Variants in CCDC63 observed in about 807,000 individuals in gnomAD.
CCDC63 encodes the protein coiled-coil domain containing 63, also known as coiled-coil domain-containing protein 63.
A neutral mutation model predicts 63.6 loss-of-function variants in CCDC63; 54 were observed. The observed-to-expected ratio is 0.85, with a 90% CI of 0.68 to 1.07. The LOEUF (loss-of-function observed/expected upper bound fraction) is 1.07. Among genes scored for constraint, CCDC63 ranks in the 50% least tolerant of loss-of-function variants. The pLI, the probability that CCDC63 is intolerant of heterozygous loss-of-function variation, is 0.00. For missense variants in CCDC63, 637 were observed against 689.6 expected, an observed-to-expected ratio of 0.92 and a Z score of 0.86; for synonymous variants, 253 against 266.1, an observed-to-expected ratio of 0.95 and a Z score of 0.48.
intron 4 of CCDC63, among the ~76,000 whole-genome samples, chr12:110,870,829 C>G (rs527256582): frequency 1.3e-5 from 2 of 152,314 alleles, no homozygotes; most frequent in African/African-American, 4.8e-5. Flanking sequence ...ACTCAAAACA[C>G]AACCCACCTG....
rs968359611 is a variant in CCDC63 at position 110,907,092 on chromosome 12, C to T, written c.1547-239C>T. Among the ~76,000 whole-genome samples the T allele has an allele frequency of 6.6e-6, 1 of 152,246 alleles. No homozygotes were observed. Among genetic ancestry groups the T allele is most frequent in the Non-Finnish European group, 1.5e-5 (1 of 68,036 alleles). ...GCAGTGCACATCCTGAACAACTGCA[C>T]ATGGTGGCCCTAACTCCTTAACATT... On this transcript the variant is annotated intron_variant, in intron 11 of 11. Transcript: ENST00000308208. The surrounding 1 kb of genome is among the most constrained non-coding windows in gnomAD (Gnocchi z 4.4).
At chr12:110,874,111 C>G (rs886578695) in intron 5 of CCDC63, 150 bp downstream of exon 5, 1 of 1,089,294 alleles carries the variant, frequency 9.2e-7, no homozygotes, top group Non-Finnish European at 1.3e-6. Context: ...GGCCAGGAAG[C>G]CTTTAGGATT....
At position 110,899,079 on chromosome 12, in the gene CCDC63, A is replaced by G; in HGVS notation, c.1296A>G (p.Leu432=). 1 of 1,613,686 alleles carries G rather than the reference A, an allele frequency of 6.2e-7. No individual in the cohort carries two copies. Among genetic ancestry groups the G allele is most frequent in the Non-Finnish European group, 8.5e-7 (1 of 1,179,804 alleles). Residue 432 remains leucine, a synonymous_variant, in exon 10 of 12, where the codon TTA becomes TTG. Transcript: ENST00000308208. ...ACGCCACCAAGATCCTGGTGCAGTTAGGGGAGACGGGGAAAGTCACTGACA... is the reference window on the plus strand; with the variant it reads ...ACGCCACCAAGATCCTGGTGCAGTTGGGGGAGACGGGGAAAGTCACTGACA... ...NCDATKILVQ[L]GETGKVTDIN...
At chr12:110,874,590 T>A (rs2071107873) in intron 5 of CCDC63, among the ~76,000 whole-genome samples, 1 of 152,212 alleles carries the variant, frequency 6.6e-6, no homozygotes, top group Admixed American at 6.5e-5. Flanking sequence ...TCTGTCCACC[T>A]CTCCTCTGAG....
chr12:110,880,203 C>A, intron 6 of CCDC63, 116 bp downstream of exon 6: 1 of 868,372 alleles, frequency 1.2e-6, no homozygotes, highest in Non-Finnish European at 1.8e-6. Context: ...AATCTTAAAT[C>A]ATAGTAGTAA....
intron 8 of CCDC63, among the ~76,000 whole-genome samples, chr12:110,888,689 G>A (rs1001928927): frequency 1.3e-5 from 2 of 152,172 alleles, no homozygotes; most frequent in Admixed American, 1.3e-4. Context: ...AAGGATGGAA[G>A]GAATTTTAAA....
chr12:110,880,139 G>GCAT, intron 6 of CCDC63, 52 bp downstream of exon 6: 2 of 1,523,870 alleles, frequency 1.3e-6, no homozygotes, highest in East Asian at 4.5e-5. Flanking sequence ...CCCTTGCTGA[G>GCAT]CATCTAGCTT....
Position 110,891,226 on chromosome 12 carries a change from G to A in CCDC63, c.1075-1850G>A, listed in dbSNP as rs147371470. Among the ~76,000 whole-genome samples, 790 of 152,176 alleles carry A rather than the reference G, an allele frequency of 5.2e-3. 10 individuals are homozygous for A. The highest frequency in any genetic ancestry group is 0.018 in the African/African-American group (739 of 41,524). ...CTCAGGAGGCTGAGATGGGAGGATC[G>A]CTTGAACCCGAGAGGCAGAGGTTGC... On this transcript the variant is annotated intron_variant, in intron 8 of 11. Coordinates refer to ENST00000308208, the MANE Select transcript of CCDC63 (RefSeq NM_152591.3).
intron 4 of CCDC63, among the ~76,000 whole-genome samples, chr12:110,872,336 G>A (rs2136681547): frequency 6.6e-6 from 1 of 152,338 alleles, no homozygotes; most frequent in South Asian, 2.1e-4. Context: ...GGAGTTTGCA[G>A]ACCCCTGGCC....
chr12:110,899,141 G>T lies in CCDC63; in HGVS notation c.1342+16G>T. ...CAGTATTTTGGTGAGTCAAGCTGGGGCCCGTTGGAGTCTTAGGAAACATTT... is the reference window on the plus strand; with the variant it reads ...CAGTATTTTGGTGAGTCAAGCTGGGTCCCGTTGGAGTCTTAGGAAACATTT... On this transcript the variant is annotated intron_variant, in intron 10 of 11. Transcript: ENST00000308208. 6.3e-7 allele frequency: 1 copy of T among 1,599,272 alleles called. No homozygotes were observed. Among genetic ancestry groups the T allele is most frequent in the Non-Finnish European group, 8.5e-7 (1 of 1,172,010 alleles).
intron 3 of CCDC63, among the ~76,000 whole-genome samples, chr12:110,856,132 C>A (rs976338535): frequency 2.1e-5 from 3 of 144,196 alleles, no homozygotes; most frequent in Admixed American, 1.4e-4. Context: ...GTTGCTCGAG[C>A]TGTAGTGCAG....
intron 4 of CCDC63, among the ~76,000 whole-genome samples, chr12:110,867,868 A>C (rs79415537): frequency 6.1e-5 from 8 of 130,964 alleles, no homozygotes; most frequent in East Asian, 4.6e-4. Flanking sequence ...GGTGGCTGCC[A>C]GGTGGAGACG....
upstream of CCDC63, chr12:110,846,763 CTT>C (rs2070641993): frequency 6.6e-6 from 1 of 152,206 alleles, no homozygotes; most frequent in African/African-American, 2.4e-5. Flanking sequence ...CAAGAAGTCA[CTT>C]AGCGTCATGA....
rs148686674 is a variant in CCDC63 at position 110,888,165 on chromosome 12, C to T, written c.1074+3915C>T. Among the ~76,000 whole-genome samples, 6 of 152,182 alleles carry T rather than the reference C, an allele frequency of 3.9e-5. No homozygotes were observed. In the East Asian group the frequency reaches 1.2e-3, roughly 29 times the overall value. On this transcript the variant is annotated intron_variant, in intron 8 of 11. Coordinates refer to ENST00000308208, the MANE Select transcript of CCDC63 (RefSeq NM_152591.3). ...GCTTAGCGGGCCTTTGAGTTGCTAA[C>T]TGAGGTTCAGGCGCGTCACCACTGT...
At position 110,907,475 on chromosome 12, in the gene CCDC63, G is replaced by A. The variant is rs780927550; in HGVS notation, c.1691G>A (p.Ter564=). 1.2e-6 allele frequency: 2 copies of A among 1,614,192 alleles called. No individual in the cohort carries two copies. The highest frequency in any genetic ancestry group is 2.2e-5 in the East Asian group (1 of 44,890). Residue 564 remains the stop codon, a stop_retained_variant, in exon 12 of 12, where the codon TGA becomes TAA. Coordinates refer to ENST00000308208, the MANE Select transcript of CCDC63 (RefSeq NM_152591.3). This position sits in a 1 kb window ranked among gnomAD's most constrained non-coding sequence, Gnocchi z 4.4. Reference sequence around the variant, plus strand: ...AGATCCAGGAAGAAAGTAACCATGTGAGGTGCATGCATGGGGCCACCTTTG... The same window carrying A: ...AGATCCAGGAAGAAAGTAACCATGTAAGGTGCATGCATGGGGCCACCTTTG... ...DFRSRKKVTM[*]
chr12:110,882,611 G>A (rs1264292450), intron 7 of CCDC63, among the ~76,000 whole-genome samples: 2 of 152,014 alleles, frequency 1.3e-5, no homozygotes, highest in Non-Finnish European at 2.9e-5. Context: ...TAGAGATTCA[G>A]TACCCCAAAT....
intron 1 of CCDC63, 53 bp from the exon 2 acceptor site, chr12:110,852,806 C>A: frequency 8.3e-7 from 1 of 1,210,624 alleles, no homozygotes; most frequent in Non-Finnish European, 1.2e-6. Flanking sequence ...TTCTGACCTG[C>A]ACCCCCAGCA....
chr12:110,861,444 G>A (rs551961449), intron 4 of CCDC63, among the ~76,000 whole-genome samples: 29 of 152,208 alleles, frequency 1.9e-4, no homozygotes, highest in South Asian at 1.0e-3. Flanking sequence ...GGCCTTCTTC[G>A]TGTCCTTTAA....
At chr12:110,884,852 A>ATTT (rs34391026) in intron 8 of CCDC63, among the ~76,000 whole-genome samples, 7 of 130,706 alleles carry the variant, frequency 5.4e-5, no homozygotes, top group African/African-American at 8.8e-5. Flanking sequence ...ACGCCCTGCT[A>ATTT]TTTTTTTTTT....
Sources: allele counts gnomAD v4.1 joint callset (sites outside exome capture counted in the v4.1 genomes callset), GRCh38; gene constraint gnomAD v4.1.1; non-coding constraint Gnocchi (gnomAD v3.1); transcripts MANE v1.5; gene names NCBI Gene and HGNC (gene_info 2026-07-23, HGNC 2026-07-21).